Variants in ATRX observed in about 807,000 individuals in gnomAD.
ATRX encodes the protein ATRX chromatin remodeler.
In ATRX, 12 loss-of-function variants were observed where a neutral mutation model predicts 172.6. The observed-to-expected ratio is 0.07, with a 90% CI of 0.04 to 0.11. The LOEUF is 0.11. Ranked by LOEUF, ATRX falls within the 10% of genes least tolerant of loss-of-function variation. The pLI is 1.00. For synonymous variants in ATRX, 674 were observed against 594.7 expected (o/e 1.13, Z -1.94); for missense variants, 1,368 against 1,767.4 (o/e 0.77, Z 4.05).
intron 1 of ATRX, among the ~76,000 whole-genome samples, chrX:77,766,345 G>C (rs1479719353): frequency 9.0e-6 from 1 of 110,934 alleles, no homozygotes; most frequent in African/African-American, 3.3e-5. Flanking sequence ...CCTCCTGGAC[G>C]GGGTGGCTGC....
chrX:77,550,890 T>G lies in ATRX; in HGVS notation c.6699+6561A>C, dbSNP rs1354752299. On this transcript the variant is annotated intron_variant, in intron 30 of 34. Coordinates refer to ENST00000373344, the MANE Select transcript of ATRX (RefSeq NM_000489.6). ...GTTGCTTCAAAGAGAATAAAATACC[T>G]AGGAATCCAACTTACAAGGGATGTG... Among the ~76,000 whole-genome samples the G allele has an allele frequency of 3.2e-4, 36 of 111,403 alleles. No individual in the cohort carries two copies. The Admixed American group carries it at 3.2e-3, about 10-fold the overall frequency.
At chrX:77,601,331 T>G (rs900281032) in intron 22 of ATRX, among the ~76,000 whole-genome samples, 6 of 108,327 alleles carry the variant, frequency 5.5e-5, no homozygotes, top group Non-Finnish European at 1.2e-4. Context: ...TAGCCAGGTA[T>G]GATGGCACAC....
At chrX:77,780,881 A>T (rs2076545339) in intron 1 of ATRX, among the ~76,000 whole-genome samples, 1 of 110,595 alleles carries the variant, frequency 9.0e-6, no homozygotes, top group African/African-American at 3.3e-5. Flanking sequence ...TCAAGGCTAC[A>T]GTGAGCCATG....
At chrX:77,752,708 G>A (rs2075345852) in intron 1 of ATRX, among the ~76,000 whole-genome samples, 1 of 111,827 alleles carries the variant, frequency 8.9e-6, no homozygotes, top group Non-Finnish European at 1.9e-5. Flanking sequence ...GGCCTTTTCG[G>A]CATCCATTGA....
intron 15 of ATRX, among the ~76,000 whole-genome samples, chrX:77,644,362 T>C (rs1557112607): frequency 8.9e-6 from 1 of 112,426 alleles, no homozygotes; most frequent in Non-Finnish European, 1.9e-5. Flanking sequence ...CTTAAAACAA[T>C]AGGTCTACTA....
At chrX:77,527,836 A>G (rs1012312472) in intron 30 of ATRX, among the ~76,000 whole-genome samples, 1 of 111,531 alleles carries the variant, frequency 9.0e-6, no homozygotes, top group Non-Finnish European at 1.9e-5. Context: ...TCTGCAATTC[A>G]GGGGAAATAG....
intron 7 of ATRX, among the ~76,000 whole-genome samples, chrX:77,688,443 C>T (rs2071700189): frequency 8.9e-6 from 1 of 111,957 alleles, no homozygotes; most frequent in South Asian, 3.7e-4. Flanking sequence ...ACATTACACA[C>T]ATCCACTCTT....
intron 28 of ATRX, among the ~76,000 whole-genome samples, chrX:77,568,462 T>C (rs991654058): frequency 8.9e-6 from 1 of 111,935 alleles, no homozygotes; most frequent in Non-Finnish European, 1.9e-5. Flanking sequence ...CTAAAACTAC[T>C]GAGGAAATTT....
At chrX:77,528,098 C>A (rs1258622680) in intron 30 of ATRX, among the ~76,000 whole-genome samples, 1 of 110,227 alleles carries the variant, frequency 9.1e-6, no homozygotes, top group Non-Finnish European at 1.9e-5. Flanking sequence ...GTTGTTCCAG[C>A]CTCCCCGTTG....
At chrX:77,626,651 T>C (rs2067865660) in intron 19 of ATRX, among the ~76,000 whole-genome samples, 1 of 111,533 alleles carries the variant, frequency 9.0e-6, no homozygotes, top group African/African-American at 3.3e-5. Context: ...TGAGGGTGGC[T>C]TTGAGGACCA....
chrX:77,785,993 A>G lies in ATRX; in HGVS notation c.9T>C (p.Ala3=). 1 of 1,194,158 alleles carries G rather than the reference A, an allele frequency of 8.4e-7. No individual in the cohort carries two copies. The highest frequency in any genetic ancestry group is 1.1e-6 in the Non-Finnish European group (1 of 887,050). The change falls in exon 1 of 35, where the codon GCT becomes GCC. Residue 3 remains alanine, a synonymous_variant. Transcript: ENST00000373344. ...GGGTTGCGTTTTACCTCATGGGCTCAGCGGTCATGTTTTCGCTTGAACGCC... is the reference window on the plus strand; with the variant it reads ...GGGTTGCGTTTTACCTCATGGGCTCGGCGGTCATGTTTTCGCTTGAACGCC... MT[A]EPMSESKLNT... is the part of the protein sequence containing the mutation.
At chrX:77,648,691 T>A (rs1452038642) in intron 15 of ATRX, among the ~76,000 whole-genome samples, 1 of 104,625 alleles carries the variant, frequency 9.6e-6, no homozygotes, top group South Asian at 4.1e-4. Context: ...GAAAAAATGA[T>A]AAAACACAAA....
intron 22 of ATRX, among the ~76,000 whole-genome samples, chrX:77,601,083 G>C (rs1433255736): frequency 9.1e-6 from 1 of 110,362 alleles, no homozygotes; most frequent in Admixed American, 9.7e-5. Flanking sequence ...TCTATCCATG[G>C]ACCCTAGATT....
At chrX:77,661,397 C>T (rs1375379658) in intron 12 of ATRX, among the ~76,000 whole-genome samples, 1 of 109,786 alleles carries the variant, frequency 9.1e-6, no homozygotes, top group Non-Finnish European at 1.9e-5. Context: ...CGCCTATAAT[C>T]CCAGCACTTT....
At chrX:77,694,061 G>A in intron 5 of ATRX, 124 bp from the exon 6 acceptor site, 1 of 542,536 alleles carries the variant, frequency 1.8e-6, no homozygotes, top group Non-Finnish European at 3.1e-6. Flanking sequence ...TTTAGATATT[G>A]GTGTAAGGAC....
At chrX:77,595,968 A>G (rs1173246809) in intron 25 of ATRX, 1 of 111,721 alleles carries the variant, frequency 9.0e-6, no homozygotes, top group Non-Finnish European at 1.9e-5. Flanking sequence ...GAAGTAATTT[A>G]CATAGTCATT....
At chrX:77,634,232 T>TTAAA (rs1430932563) in intron 17 of ATRX, among the ~76,000 whole-genome samples, 6 of 54,068 alleles carry the variant, frequency 1.1e-4, no homozygotes, top group African/African-American at 4.5e-4. Flanking sequence ...TTAAAAGTTG[T>TTAAA]AAAAAAAAAA....
chrX:77,560,583 T>C (rs1295286665), intron 28 of ATRX, among the ~76,000 whole-genome samples: 1 of 111,510 alleles, frequency 9.0e-6, no homozygotes, highest in Non-Finnish European at 1.9e-5. Flanking sequence ...AAAATGTTTT[T>C]CTTTTCTTTC....
rs1569533517 is a variant in ATRX, at chrX:77,634,710, A to G, written c.4700-7T>C. On this transcript the variant is annotated splice_polypyrimidine_tract_variant and splice_region_variant and intron_variant, in intron 16 of 34. Transcript: ENST00000373344. ...TCCCACATAAACTGAACACCTAAAA[A>G]TAACAGCTTCATTAAGTTAAATTTA... 8.4e-7 allele frequency: 1 copy of G among 1,192,367 alleles called. No homozygotes were observed. Among genetic ancestry groups the G allele is most frequent in the Non-Finnish European group, 1.1e-6 (1 of 877,750 alleles).
Sources: gnomAD v4.1 joint callset for allele counts (sites outside exome capture counted in the v4.1 genomes callset) on GRCh38, gnomAD v4.1.1 for gene constraint, MANE v1.5 for transcripts, NCBI Gene and HGNC (gene_info 2026-07-23, HGNC 2026-07-21) for gene names.